The following GSN variants were observed in gnomAD, a reference collection of about 807,000 sequenced individuals.
The protein encoded by GSN is gelsolin.
A neutral mutation model predicts 85.7 loss-of-function variants in GSN; 56 were observed. That is an observed-to-expected ratio of 0.65 (90% CI 0.53 to 0.82). GSN has a LOEUF of 0.82. Ranked by LOEUF, GSN falls within the 40% of genes least tolerant of loss-of-function variation. GSN has a pLI of 0.00. For synonymous variants in GSN, 373 were observed against 399.1 expected (o/e 0.93, Z 0.78); for missense variants, 857 against 979.8 (o/e 0.87, Z 1.67).
chr9:121,249,870 A>G (rs981245689), intron 6 of GSN, among the ~76,000 whole-genome samples: 2 of 152,204 alleles, frequency 1.3e-5, no homozygotes, highest in Non-Finnish European at 2.9e-5. Flanking sequence ...AAGAAATGGA[A>G]ACTAGGTGGC....
intron 4 of GSN, among the ~76,000 whole-genome samples, chr9:121,225,269 A>T (rs954211466): frequency 1.2e-4 from 19 of 152,196 alleles, no homozygotes; most frequent in African/African-American, 3.9e-4. Flanking sequence ...ACAAAAACAA[A>T]TTTTTTTGTA....
At chr9:121,270,504 C>T (rs2132357400) in intron 1 of GSN, among the ~76,000 whole-genome samples, 1 of 152,350 alleles carries the variant, frequency 6.6e-6, no homozygotes, top group East Asian at 1.9e-4. Flanking sequence ...AGCTGAAGGT[C>T]TCAGAACCTG....
Position 121,288,175 on chromosome 9 carries a change from G to A in GSN, c.-10+6613G>A, listed in dbSNP as rs533987083. On this transcript the variant is annotated intron_variant, in intron 2 of 17. Transcript: ENST00000432226. Reference sequence around the variant, plus strand: ...CTCCTGAACTCAATGGATTCCTCCCGCCTCAGCCTTCCAAAGTGCTGGGAT... The same window carrying A: ...CTCCTGAACTCAATGGATTCCTCCCACCTCAGCCTTCCAAAGTGCTGGGAT... 3.3e-4 allele frequency among the ~76,000 whole-genome samples: 50 copies of A among 152,096 alleles called. 1 individual carries two copies. The South Asian group carries it at 7.7e-3, about 23-fold the overall frequency.
chr9:121,257,775 G>A (rs2054997130), intron 6 of GSN, among the ~76,000 whole-genome samples: 1 of 152,172 alleles, frequency 6.6e-6, no homozygotes, highest in South Asian at 2.1e-4. Context: ...GGAGGCTGAG[G>A]CAGGAGAATC....
At chr9:121,203,786 T>A (rs556714810), upstream of GSN, among the ~76,000 whole-genome samples, 124 of 152,338 alleles carry the variant, frequency 8.1e-4, no homozygotes, top group African/African-American at 2.9e-3. Context: ...CTCAAATAGG[T>A]CTTTGTGAAA....
intron 2 of GSN, among the ~76,000 whole-genome samples, chr9:121,292,770 C>G (rs1386926848): frequency 1.3e-5 from 2 of 152,160 alleles, no homozygotes; most frequent in African/African-American, 4.8e-5. Flanking sequence ...GTATCTCCAG[C>G]CCACAGAGAC....
At chr9:121,323,837 CT>C (rs1440080964) in intron 11 of GSN, among the ~76,000 whole-genome samples, 2 of 152,082 alleles carry the variant, frequency 1.3e-5, no homozygotes, top group Non-Finnish European at 2.9e-5. Context: ...TAGAATGTCT[CT>C]CAATTTGACA....
chr9:121,253,335 TGTAACAGTG>T (rs2132250240), intron 6 of GSN, among the ~76,000 whole-genome samples: 1 of 152,344 alleles, frequency 6.6e-6, no homozygotes, highest in Non-Finnish European at 1.5e-5. Flanking sequence ...CCTATCTGTT[TGTAACAGTG>T]GTGCCATTAG....
chr9:121,332,784 A>C lies in GSN; in HGVS notation c.*181A>C. 1 of 592,944 alleles carries C rather than the reference A, an allele frequency of 1.7e-6. No homozygotes were observed. Among genetic ancestry groups the C allele is most frequent in the Admixed American group, 3.0e-5 (1 of 33,110 alleles). The allele number at this position is 592,944 out of a possible 1,614,324, so 36.7% of individuals were successfully genotyped here. A position where few individuals can be genotyped will look rare whatever the true frequency, so the allele number is the denominator to read the frequency against. On this transcript the variant is annotated 3_prime_UTR_variant, in exon 18 of 18. Coordinates refer to ENST00000432226, the MANE Select transcript of GSN (RefSeq NM_198252.3). The surrounding 1 kb of genome is among the most constrained non-coding windows in gnomAD (Gnocchi z 4.8). ...CTGCAAAAATTCAGAGTCCTTGCAA[A>C]ATTGTCTAAAATGTCAGTGTTTGGG...
chr9:121,267,853 C>T (rs2132305323), upstream of GSN, among the ~76,000 whole-genome samples: 1 of 152,314 alleles, frequency 6.6e-6, no homozygotes, highest in East Asian at 1.9e-4. Flanking sequence ...CTCTTTGGCC[C>T]CAGCCCAGCT....
At chr9:121,253,467 G>A (rs1484892891) in intron 6 of GSN, among the ~76,000 whole-genome samples, 2 of 152,086 alleles carry the variant, frequency 1.3e-5, no homozygotes, top group Non-Finnish European at 2.9e-5. Context: ...CCACTGCTCT[G>A]GGCCCAGAGC....
At chr9:121,251,596 A>G (rs1357048026) in intron 6 of GSN, among the ~76,000 whole-genome samples, 2 of 152,120 alleles carry the variant, frequency 1.3e-5, no homozygotes, top group Admixed American at 6.5e-5. Flanking sequence ...CTAAACATTG[A>G]AAAATGTGCT....
At chr9:121,286,658 G>T in intron 2 of GSN, 1 of 1,534,652 alleles carries the variant, frequency 6.5e-7, no homozygotes, top group Non-Finnish European at 8.7e-7. Context: ...CTCTGGGCCG[G>T]GAAGTCAGAG....
At chr9:121,240,151 A>C (rs2054575485) in intron 5 of GSN, 1 of 152,136 alleles carries the variant, frequency 6.6e-6, no homozygotes. Flanking sequence ...TCTGTGTCCA[A>C]ATTCCCCTTT....
intron 5 of GSN, among the ~76,000 whole-genome samples, chr9:121,235,825 C>T (rs745541208): frequency 2.6e-5 from 4 of 152,216 alleles, no homozygotes; most frequent in Non-Finnish European, 4.4e-5. Flanking sequence ...TCTAGGGGGA[C>T]AGCCATGTGC....
Position 121,261,658 on chromosome 9 carries a change from G to A in GSN, c.-340-3496G>A, listed in dbSNP as rs2055087310. Among the ~76,000 whole-genome samples the A allele has an allele frequency of 6.6e-6, 1 of 152,100 alleles. No individual in the cohort carries two copies. Among genetic ancestry groups the A allele is most frequent in the South Asian group, 2.1e-4 (1 of 4,824 alleles). On this transcript the variant is annotated intron_variant, in intron 6 of 24. Coordinates refer to the GSN transcript ENST00000373823. This position sits in a 1 kb window ranked among gnomAD's most constrained non-coding sequence, Gnocchi z 4.1. The stretch of plus-strand genomic sequence containing the variant: ...GTTTTTTATAAGACCCATCCATCTT[G>A]CCATATGGCTTGGTCTCCCGTAACT...
Position 121,312,416 on chromosome 9 carries a change from G to A in GSN, c.591G>A (p.Arg197=). 5 of 1,614,152 alleles carry A rather than the reference G, an allele frequency of 3.1e-6. No homozygotes were observed. The highest frequency in any genetic ancestry group is 4.2e-6 in the Non-Finnish European group (5 of 1,180,006). The change falls in exon 6 of 18, where the codon CGG becomes CGA. Residue 197 remains arginine (R), a synonymous_variant. Transcript: ENST00000432226. ...LKATQVSKGI[R]DNERSGRARV... Reference sequence around the variant, plus strand: ...CCACACAGGTGTCCAAGGGCATCCGGGACAACGAGCGGAGTGGCCGGGCCC... The same window carrying A: ...CCACACAGGTGTCCAAGGGCATCCGAGACAACGAGCGGAGTGGCCGGGCCC...
At chr9:121,252,141 G>C (rs1395675496) in intron 6 of GSN, among the ~76,000 whole-genome samples, 1 of 152,188 alleles carries the variant, frequency 6.6e-6, no homozygotes, top group African/African-American at 2.4e-5. Flanking sequence ...AAAAAGAGAT[G>C]TGGCCAAACC....
upstream of GSN, among the ~76,000 whole-genome samples, chr9:121,205,089 C>T (rs1008936152): frequency 6.6e-6 from 1 of 152,122 alleles, no homozygotes; most frequent in Non-Finnish European, 1.5e-5. Context: ...GGCCAGCTAC[C>T]TTCTAGCAGG....
Sources: allele counts gnomAD v4.1 joint callset (sites outside exome capture counted in the v4.1 genomes callset), GRCh38; gene constraint gnomAD v4.1.1; non-coding constraint Gnocchi (gnomAD v3.1); transcripts MANE v1.5; gene names NCBI Gene and HGNC (gene_info 2026-07-23, HGNC 2026-07-21).